Variants in RNF145 observed in about 807,000 individuals in gnomAD.
RNF145 encodes the protein ring finger protein 145.
Under a neutral mutation model 57.3 loss-of-function variants are expected in RNF145, and 12 were observed. That is an observed-to-expected ratio of 0.21 (90% CI 0.13 to 0.34). RNF145 has a LOEUF of 0.34. RNF145 is among the 10% of genes least tolerant of loss of function. The pLI, the probability that RNF145 is intolerant of heterozygous loss-of-function variation, is 1.00. For missense variants in RNF145, 429 were observed against 799.0 expected, an observed-to-expected ratio of 0.54 and a Z score of 5.58; for synonymous variants, 262 against 288.3, an observed-to-expected ratio of 0.91 and a Z score of 0.92.
At chr5:159,165,401 G>GGATTTACTTTTTTACCTCGT (rs1383049563) in intron 8 of RNF145, among the ~76,000 whole-genome samples, 4 of 11,556 alleles carry the variant, frequency 3.5e-4, no homozygotes, top group South Asian at 4.3e-3. Context: ...ATAATATCCT[G>GGATTTACTTTTTTACCTCGT]GCCGGGCGCG....
intron 2 of RNF145, among the ~76,000 whole-genome samples, chr5:159,201,490 A>G (rs1785664778): frequency 6.6e-6 from 1 of 152,246 alleles, no homozygotes; most frequent in Non-Finnish European, 1.5e-5. Flanking sequence ...CCATACGAAG[A>G]TACTATGCCA....
intron 1 of RNF145, chr5:159,208,083 T>G: frequency 6.8e-7 from 1 of 1,477,914 alleles, no homozygotes; most frequent in Non-Finnish European, 8.9e-7. Flanking sequence ...TAATCTTTGA[T>G]GCCTGCTCAC....
intron 8 of RNF145, among the ~76,000 whole-genome samples, chr5:159,167,024 G>C (rs1444642631): frequency 6.6e-6 from 1 of 152,162 alleles, no homozygotes; most frequent in Non-Finnish European, 1.5e-5. Flanking sequence ...GGTAGAACTT[G>C]CCTGTAATAT....
At chr5:159,208,152 T>C in intron 1 of RNF145, 1 of 1,416,998 alleles carries the variant, frequency 7.1e-7, no homozygotes, top group Non-Finnish European at 9.2e-7. Context: ...AGATCTCAGA[T>C]GCGTTTGAAC....
chr5:159,200,927 C>T (rs1177900694), intron 2 of RNF145, among the ~76,000 whole-genome samples: 1 of 152,096 alleles, frequency 6.6e-6, no homozygotes, highest in African/African-American at 2.4e-5. Context: ...TCAATTTTTC[C>T]ACCTATTGGA....
In RNF145 at chr5:159,168,681, AAAAC is replaced by A. The variant is rs1784458006; in HGVS notation, c.1121+188_1121+191del. Among the ~76,000 whole-genome samples, 3 of 152,314 alleles carry A rather than the reference AAAAC, an allele frequency of 2.0e-5. No individual in the cohort carries two copies. The South Asian group carries it at 6.2e-4, about 32-fold the overall frequency. On this transcript the variant is annotated intron_variant, in intron 8 of 10. Coordinates refer to ENST00000424310, the MANE Select transcript of RNF145 (RefSeq NM_001199383.2). ...TTTAACTAAAAAATCTTGAGAGAAA[AAAAC>A]AAAAGTCAAGTAAGTCAGACATCTC...
intron 4 of RNF145, among the ~76,000 whole-genome samples, chr5:159,180,559 T>C (rs558004943): frequency 3.9e-5 from 6 of 152,252 alleles, no homozygotes; most frequent in South Asian, 2.1e-4. Context: ...AACTAGTCTA[T>C]TGCTAGTCCT....
At chr5:159,163,721 T>C (rs973940410) in intron 8 of RNF145, among the ~76,000 whole-genome samples, 4 of 152,232 alleles carry the variant, frequency 2.6e-5, no homozygotes, top group African/African-American at 9.6e-5. Flanking sequence ...TTTTCAACAC[T>C]GTCTCTAAAT....
In RNF145 at chr5:159,209,290, C is replaced by A; in HGVS notation, c.-99G>T. The A allele has an allele frequency of 1.0e-6, 1 of 985,408 alleles. No homozygotes were observed. The highest frequency in any genetic ancestry group is 4.7e-5 in the South Asian group (1 of 21,342). The allele number at this position is 985,408 out of a possible 1,614,324, so 61.0% of individuals were successfully genotyped here. A position where few individuals can be genotyped will look rare whatever the true frequency, so the allele number is the denominator to read the frequency against. ...CTGCCGGCGGGCGGGCTCCGCAACT[C>A]CCCGGCTCTCTCGCCCGCCCTCCCG... is the stretch of plus-strand genomic sequence containing the variant. On this transcript the variant is annotated 5_prime_UTR_variant, in exon 1 of 11. Coordinates refer to ENST00000424310, the MANE Select transcript of RNF145 (RefSeq NM_001199383.2).
At position 159,203,655 on chromosome 5, in the gene RNF145, A is replaced by G; in HGVS notation, c.-38T>C. ...TTTCTTTTTTTTTTTCTTGGAGAAGACCTAAAATTCAGAAGACACAATATA... is the reference window on the plus strand; with the variant it reads ...TTTCTTTTTTTTTTTCTTGGAGAAGGCCTAAAATTCAGAAGACACAATATA... On this transcript the variant is annotated splice_region_variant and 5_prime_UTR_variant, in exon 2 of 11. Transcript: ENST00000424310. The G allele has an allele frequency of 6.4e-7, 1 of 1,569,652 alleles. No homozygotes were observed. Among genetic ancestry groups the G allele is most frequent in the Non-Finnish European group, 8.6e-7 (1 of 1,161,544 alleles).
At chr5:159,190,771 A>T (rs1785263397) in intron 3 of RNF145, among the ~76,000 whole-genome samples, 1 of 151,994 alleles carries the variant, frequency 6.6e-6, no homozygotes, top group African/African-American at 2.4e-5. Flanking sequence ...CTTCAACCTC[A>T]ATGTCTTACA....
chr5:159,169,376 TCA>T (rs1389915642), intron 7 of RNF145, among the ~76,000 whole-genome samples: 2 of 152,150 alleles, frequency 1.3e-5, no homozygotes, highest in Admixed American at 1.3e-4. Flanking sequence ...TGTATAGAAA[TCA>T]GATTTTAACA....
chr5:159,209,865 C>A, upstream of RNF145: 1 of 1,536,106 alleles, frequency 6.5e-7, no homozygotes, highest in Non-Finnish European at 8.7e-7. Context: ...GCAGGGACCA[C>A]GTGGGAGAAT....
chr5:159,160,514 T>G (rs111653954), intron 10 of RNF145, among the ~76,000 whole-genome samples: 2 of 152,190 alleles, frequency 1.3e-5, no homozygotes, highest in African/African-American at 2.4e-5. Flanking sequence ...ACTCTTTGAG[T>G]GACTTTAAAA....
intron 2 of RNF145, among the ~76,000 whole-genome samples, chr5:159,196,624 T>C (rs958702148): frequency 6.6e-6 from 1 of 152,154 alleles, no homozygotes; most frequent in African/African-American, 2.4e-5. Flanking sequence ...GAACTGAGGA[T>C]TTCCTACACA....
chr5:159,202,540 C>T (rs1017744911), intron 2 of RNF145, among the ~76,000 whole-genome samples: 5 of 152,140 alleles, frequency 3.3e-5, no homozygotes, highest in African/African-American at 9.7e-5. Flanking sequence ...GTAAGGGGAA[C>T]GTTCTCAGGG....
At chr5:159,171,021 C>A (rs1449670215) in intron 6 of RNF145, among the ~76,000 whole-genome samples, 5 of 152,092 alleles carry the variant, frequency 3.3e-5, no homozygotes, top group Admixed American at 6.5e-5. Context: ...AGTTATCTTT[C>A]CTACACAATT....
chr5:159,173,039 T>C (rs1463490335), intron 6 of RNF145, among the ~76,000 whole-genome samples: 1 of 152,056 alleles, frequency 6.6e-6, no homozygotes, highest in Non-Finnish European at 1.5e-5. Flanking sequence ...TAGCAGAAGC[T>C]CACAATAAAA....
chr5:159,187,892 T>C (rs753338988), intron 3 of RNF145, among the ~76,000 whole-genome samples: 1 of 152,200 alleles, frequency 6.6e-6, no homozygotes, highest in Non-Finnish European at 1.5e-5. Context: ...AATGGAGAGC[T>C]GATTATCCAT....
Sources: gnomAD v4.1 joint callset for allele counts (sites outside exome capture counted in the v4.1 genomes callset) on GRCh38, gnomAD v4.1.1 for gene constraint, MANE v1.5 for transcripts, NCBI Gene and HGNC (gene_info 2026-07-23, HGNC 2026-07-21) for gene names.